The following KPNB1 variants were observed in gnomAD, a reference collection of about 807,000 sequenced individuals.
KPNB1 encodes the protein karyopherin subunit beta 1.
In KPNB1, 7 loss-of-function variants were observed where a neutral mutation model predicts 113.0. The ratio of observed to expected loss-of-function variants is 0.06; its 90% CI spans 0.04 to 0.12. The LOEUF (loss-of-function observed/expected upper bound fraction) is 0.12. Ranked by LOEUF, KPNB1 falls within the 10% of genes least tolerant of loss-of-function variation. The pLI, the probability that KPNB1 is intolerant of heterozygous loss-of-function variation, is 1.00. For synonymous variants in KPNB1, 363 were observed against 378.6 expected, an observed-to-expected ratio of 0.96 and a Z score of 0.48; for missense variants, 400 against 1,054.8, an observed-to-expected ratio of 0.38 and a Z score of 8.60.
At chr17:47,665,789 C>G (rs529531402) in intron 9 of KPNB1, among the ~76,000 whole-genome samples, 1 of 152,130 alleles carries the variant, frequency 6.6e-6, no homozygotes, top group Non-Finnish European at 1.5e-5. Flanking sequence ...TGATGCAACA[C>G]AGTGTTTTTT....
intron 21 of KPNB1, among the ~76,000 whole-genome samples, chr17:47,681,428 C>T (rs935714732): frequency 2.0e-5 from 3 of 151,986 alleles, no homozygotes; most frequent in African/African-American, 2.4e-5. Flanking sequence ...ACCACCACCA[C>T]ACCTGGCTAA....
chr17:47,671,238 CAA>C (rs2030435888), intron 12 of KPNB1, among the ~76,000 whole-genome samples: 1 of 152,116 alleles, frequency 6.6e-6, no homozygotes, highest in African/African-American at 2.4e-5. Context: ...GCCTGGACAA[CAA>C]GAGTGGAACT....
chr17:47,664,853 G>A (rs1489140873), intron 8 of KPNB1, among the ~76,000 whole-genome samples: 1 of 152,122 alleles, frequency 6.6e-6, no homozygotes, highest in Non-Finnish European at 1.5e-5. Flanking sequence ...ACTTAATGTT[G>A]CCTTGGACCT....
chr17:47,652,901 T>C (rs761414500), intron 3 of KPNB1, 25 bp downstream of exon 3: 12 of 1,517,012 alleles, frequency 7.9e-6, no homozygotes, highest in Non-Finnish European at 1.1e-5. Flanking sequence ...TCTGTTTGGT[T>C]ATATTGCCCA....
chr17:47,674,509 TA>T, intron 14 of KPNB1, 128 bp from the exon 15 acceptor site: 1 of 827,576 alleles, frequency 1.2e-6, no homozygotes, highest in South Asian at 1.7e-5. Flanking sequence ...TTTTTGTGTA[TA>T]AAATACATTT....
chr17:47,684,206 C>G lies in KPNB1; in HGVS notation c.*1802C>G, dbSNP rs2030877902. ...TCGTTTATATCCTCCCTTCCATGTC[C>G]AAGCCTTCCATTCCTAAGTGGGATT... On this transcript the variant is annotated 3_prime_UTR_variant, in exon 22 of 22. Coordinates refer to ENST00000290158, the MANE Select transcript of KPNB1 (RefSeq NM_002265.6). 6.6e-6 allele frequency: 1 copy of G among 152,066 alleles called. No homozygotes were observed. Among genetic ancestry groups the G allele is most frequent in the South Asian group, 2.1e-4 (1 of 4,814 alleles). 9.4% of individuals were successfully genotyped at this position (152,066 alleles called of 1,614,324 possible).
chr17:47,669,913 C>G, intron 11 of KPNB1, 44 bp downstream of exon 11: 1 of 1,409,170 alleles, frequency 7.1e-7, no homozygotes, highest in Non-Finnish European at 9.9e-7. Flanking sequence ...TTGCCTGCGC[C>G]ACTGGCAAGA....
intron 2 of KPNB1, 40 bp downstream of exon 2, chr17:47,650,484 A>G (rs1915507950): frequency 6.4e-7 from 1 of 1,562,292 alleles, no homozygotes; most frequent in African/African-American, 1.4e-5. Flanking sequence ...CCGCGTCCCC[A>G]TCCCCTGCGT....
At chr17:47,673,243 TTC>T (rs2030501608) in intron 13 of KPNB1, 78 bp downstream of exon 13, 2 of 1,358,534 alleles carry the variant, frequency 1.5e-6, no homozygotes, top group East Asian at 4.6e-5. Context: ...TTCCAGACTG[TTC>T]TGTCTTTTTA....
chr17:47,656,703 G>A (rs970907384), intron 3 of KPNB1, among the ~76,000 whole-genome samples, 157 bp from the exon 4 acceptor site: 2 of 152,024 alleles, frequency 1.3e-5, no homozygotes, highest in African/African-American at 2.4e-5. Context: ...AGCTGTGATC[G>A]TGCCACTGCA....
rs1915474001 is a variant in KPNB1 at position 47,649,928 on chromosome 17, C to A, written c.-317C>A. 1.6e-6 allele frequency: 2 copies of A among 1,280,134 alleles called. No individual in the cohort carries two copies. The highest frequency in any genetic ancestry group is 6.8e-5 in the East Asian group (2 of 29,312). The allele number at this position is 1,280,134 out of a possible 1,614,324, so 79.3% of individuals were successfully genotyped here. ...TCCTCCCTCCCTCGCTCCCTCCCTG[C>A]GCGCCGCCTCTCACTCACAGCCTCC... On this transcript the variant is annotated 5_prime_UTR_variant, in exon 1 of 22. Coordinates refer to ENST00000290158, the MANE Select transcript of KPNB1 (RefSeq NM_002265.6).
intron 2 of KPNB1, chr17:47,651,415 G>T: frequency 1.1e-6 from 1 of 909,830 alleles, no homozygotes; most frequent in Non-Finnish European, 1.3e-6. Flanking sequence ...AACCATATGT[G>T]TTCCTTTGTG....
intron 15 of KPNB1, among the ~76,000 whole-genome samples, chr17:47,675,361 G>GTTGTTTTTTTTTTT (rs1567894260): frequency 7.9e-5 from 7 of 88,688 alleles, no homozygotes; most frequent in South Asian, 7.4e-4. Context: ...CAGAGGTGTT[G>GTTGTTTTTTTTTTT]TTTTTTTTTT....
intron 6 of KPNB1, 69 bp downstream of exon 6, chr17:47,661,247 T>C: frequency 8.8e-7 from 1 of 1,131,638 alleles, no homozygotes; most frequent in Non-Finnish European, 1.3e-6. Flanking sequence ...TAATATAAGT[T>C]TGAAATACTG....
chr17:47,657,382 T>C (rs1243886102), intron 4 of KPNB1, among the ~76,000 whole-genome samples: 2 of 152,242 alleles, frequency 1.3e-5, no homozygotes, highest in Non-Finnish European at 2.9e-5. Context: ...GAATGTACCA[T>C]GAATGTTGTG....
At chr17:47,673,386 G>T in intron 13 of KPNB1, 104 bp from the exon 14 acceptor site, 4 of 1,047,040 alleles carry the variant, frequency 3.8e-6, no homozygotes, top group Admixed American at 3.9e-5. Context: ...GTTTTTTGTT[G>T]CTGTTGTTTA....
intron 10 of KPNB1, 80 bp from the exon 11 acceptor site, chr17:47,669,598 C>A (rs1209140401): frequency 5.9e-6 from 6 of 1,021,784 alleles, no homozygotes; most frequent in Non-Finnish European, 7.4e-6. Flanking sequence ...AGCCATCCAT[C>A]AGTATTTCTT....
chr17:47,668,125 C>T (rs2030347190), intron 9 of KPNB1, 61 bp from the exon 10 acceptor site: 4 of 1,330,666 alleles, frequency 3.0e-6, no homozygotes, highest in Admixed American at 3.5e-5. Context: ...AGTCAGAGGA[C>T]CTTTAGAGTT....
intron 12 of KPNB1, 121 bp from the exon 13 acceptor site, chr17:47,672,897 A>C: frequency 2.4e-6 from 2 of 832,922 alleles, no homozygotes; most frequent in Non-Finnish European, 3.6e-6. Flanking sequence ...TGTGTTTTCA[A>C]ACTCAAACCA....
Sources: allele counts gnomAD v4.1 joint callset (sites outside exome capture counted in the v4.1 genomes callset), GRCh38; gene constraint gnomAD v4.1.1; transcripts MANE v1.5; gene names NCBI Gene and HGNC (gene_info 2026-07-23, HGNC 2026-07-21).